Variants in PDCD1LG2 observed in about 807,000 individuals in gnomAD.
PDCD1LG2 encodes B7 dendritic cell molecule.
In PDCD1LG2, 32 loss-of-function variants were observed where a neutral mutation model predicts 28.2. The ratio of observed to expected loss-of-function variants is 1.13; its 90% CI spans 0.86 to 1.52. The LOEUF (loss-of-function observed/expected upper bound fraction) is 1.52. PDCD1LG2 is among the 40% of genes most tolerant of loss of function. The pLI is 0.00. For missense variants in PDCD1LG2, 385 were observed against 323.8 expected (o/e 1.19, Z -1.45); for synonymous variants, 116 against 120.2 (o/e 0.97, Z 0.23).
chr9:5,535,436 A>G (rs1391565158), intron 3 of PDCD1LG2, among the ~76,000 whole-genome samples: 1 of 152,164 alleles, frequency 6.6e-6, no homozygotes, highest in Non-Finnish European at 1.5e-5. Context: ...TTTTAAAACC[A>G]TGGTTTGCCG....
chr9:5,534,382 C>T (rs966858053), intron 2 of PDCD1LG2, among the ~76,000 whole-genome samples: 1 of 152,174 alleles, frequency 6.6e-6, no homozygotes, highest in African/African-American at 2.4e-5. Context: ...TCTTATATGA[C>T]AGATGACCTG....
At chr9:5,548,709 G>T (rs2129869444) in intron 3 of PDCD1LG2, among the ~76,000 whole-genome samples, 2 of 152,292 alleles carry the variant, frequency 1.3e-5, no homozygotes, top group South Asian at 4.1e-4. Context: ...GTATGTATCT[G>T]CATGTGTTAG....
At chr9:5,551,861 C>G (rs1290534896) in intron 4 of PDCD1LG2, among the ~76,000 whole-genome samples, 1 of 152,182 alleles carries the variant, frequency 6.6e-6, no homozygotes, top group Admixed American at 6.5e-5. Context: ...CTGAGCCTTC[C>G]AGCTGGGAGG....
intron 2 of PDCD1LG2, among the ~76,000 whole-genome samples, chr9:5,525,976 G>C (rs1267906887): frequency 6.6e-6 from 1 of 151,612 alleles, no homozygotes; most frequent in Non-Finnish European, 1.5e-5. Context: ...GAACCAGGGA[G>C]TCGGAGGTGG....
Position 5,510,813 on chromosome 9 carries a change from G to A in PDCD1LG2, c.-15+10G>A, listed in dbSNP as rs944251767. ...TGTGGCAAGTCCTCATGTGAGTAAC[G>A]AGTGGGTTGAGATACTCTCATACTA... On this transcript the variant is annotated intron_variant, in intron 1 of 6. Transcript: ENST00000397747. 2.0e-5 allele frequency: 3 copies of A among 150,162 alleles called. No homozygotes were observed. The highest frequency in any genetic ancestry group is 6.7e-5 in the Admixed American group (1 of 14,998). The allele number at this position is 150,162 out of a possible 1,614,324, so 9.3% of individuals were successfully genotyped here.
intron 1 of PDCD1LG2, among the ~76,000 whole-genome samples, chr9:5,514,794 A>G (rs1439968735): frequency 2.0e-5 from 3 of 149,438 alleles, no homozygotes; most frequent in Non-Finnish European, 4.4e-5. Context: ...AAAAAAAAAA[A>G]GACAAAATAA....
intron 1 of PDCD1LG2, among the ~76,000 whole-genome samples, chr9:5,513,518 T>C (rs984828801): frequency 2.0e-5 from 3 of 152,260 alleles, no homozygotes; most frequent in Non-Finnish European, 4.4e-5. Context: ...AAACCCTCTA[T>C]GAATTCTCCA....
chr9:5,550,557 TAAGGG>T (rs1223091050), intron 4 of PDCD1LG2, among the ~76,000 whole-genome samples: 2 of 152,158 alleles, frequency 1.3e-5, no homozygotes, highest in East Asian at 3.9e-4. Flanking sequence ...GCAGAGGCCC[TAAGGG>T]AAGATTCCAC....
At chr9:5,538,278 T>C (rs1820620342) in intron 3 of PDCD1LG2, among the ~76,000 whole-genome samples, 1 of 152,202 alleles carries the variant, frequency 6.6e-6, no homozygotes, top group African/African-American at 2.4e-5. Flanking sequence ...CCAGCATGTT[T>C]CATACATATT....
chr9:5,511,034 G>C (rs1026905131), intron 1 of PDCD1LG2, among the ~76,000 whole-genome samples: 1 of 152,192 alleles, frequency 6.6e-6, no homozygotes, highest in African/African-American at 2.4e-5. Flanking sequence ...TATAAGGTGA[G>C]ATATTTTCTG....
At chr9:5,542,440 G>T (rs1820704886) in intron 3 of PDCD1LG2, among the ~76,000 whole-genome samples, 2 of 152,118 alleles carry the variant, frequency 1.3e-5, no homozygotes, top group Non-Finnish European at 2.9e-5. Flanking sequence ...CTATACATCT[G>T]ACAAAGGACT....
At chr9:5,567,935 T>C (rs1816696820) in intron 6 of PDCD1LG2, among the ~76,000 whole-genome samples, 1 of 152,194 alleles carries the variant, frequency 6.6e-6, no homozygotes, top group Non-Finnish European at 1.5e-5. Context: ...ACGTTTTTTG[T>C]TTTGTTTTGT....
At chr9:5,556,140 A>G (rs1214672795) in intron 4 of PDCD1LG2, among the ~76,000 whole-genome samples, 1 of 152,162 alleles carries the variant, frequency 6.6e-6, no homozygotes, top group Non-Finnish European at 1.5e-5. Flanking sequence ...TGGATGTTCA[A>G]CTTTGGAGTC....
chr9:5,535,007 T>C lies in PDCD1LG2; in HGVS notation c.318T>C (p.Tyr106=), dbSNP rs1350826502. Residue 106 remains tyrosine (Y), a synonymous_variant, in exon 3 of 7, where the codon TAT becomes TAC. Transcript: ENST00000397747. ...GACAGTACCAATGCATAATCATCTA[T>C]GGGGTCGCCTGGGACTACAAGTACC... The part of the protein sequence containing the change: ...DEGQYQCIII[Y]GVAWDYKYLT... 4.3e-6 allele frequency: 7 copies of C among 1,613,380 alleles called. No homozygotes were observed. The African/African-American group carries it at 5.3e-5, about 12-fold the overall frequency.
chr9:5,510,879 G>A (rs983915205), intron 1 of PDCD1LG2, 76 bp downstream of exon 1: 2 of 152,574 alleles, frequency 1.3e-5, no homozygotes, highest in Non-Finnish European at 1.5e-5. Context: ...GGTGGGGGAA[G>A]GGTGGCCTAC....
chr9:5,512,542 C>T (rs981148656), intron 1 of PDCD1LG2, among the ~76,000 whole-genome samples: 2 of 152,228 alleles, frequency 1.3e-5, no homozygotes, highest in African/African-American at 4.8e-5. Context: ...TCCTCTGTTC[C>T]TGCTCTCCAA....
rs2129975286 is a variant in PDCD1LG2, at chr9:5,569,940, G to A, written c.817-14G>A. On this transcript the variant is annotated splice_polypyrimidine_tract_variant and intron_variant, in intron 6 of 6. Transcript: ENST00000397747. This position sits in a 1 kb window ranked among gnomAD's most constrained non-coding sequence, Gnocchi z 4.1. Reference sequence around the variant, plus strand: ...AAAAAATGATTTTTCTTATTTGTGGGCTTTTCTCCCCAGATCTGAACCTGT... The same window carrying A: ...AAAAAATGATTTTTCTTATTTGTGGACTTTTCTCCCCAGATCTGAACCTGT... 6.2e-7 allele frequency: 1 copy of A among 1,613,274 alleles called. No homozygotes were observed. The highest frequency in any genetic ancestry group is 8.5e-7 in the Non-Finnish European group (1 of 1,179,462).
At chr9:5,553,942 C>T (rs1445955073) in intron 4 of PDCD1LG2, among the ~76,000 whole-genome samples, 2 of 152,116 alleles carry the variant, frequency 1.3e-5, no homozygotes, top group African/African-American at 2.4e-5. Context: ...CCTTTTCTAC[C>T]TCCATGCCTT....
At position 5,525,823 on chromosome 9, in the gene PDCD1LG2, C is replaced by T. The variant is rs1347734093; in HGVS notation, c.55+3222C>T. The stretch of plus-strand genomic sequence containing the variant: ...CAGCACTTTGGGAGGCCAAGGTGGG[C>T]AGATCACGAGGTCAGGAGACCGAGA... On this transcript the variant is annotated intron_variant, in intron 2 of 6. Transcript: ENST00000397747. Among the ~76,000 whole-genome samples the T allele has an allele frequency of 4.6e-5, 7 of 151,902 alleles. No homozygotes were observed. The East Asian group carries it at 1.2e-3, about 25-fold the overall frequency.
Sources: gnomAD v4.1 joint callset for allele counts (sites outside exome capture counted in the v4.1 genomes callset) on GRCh38, gnomAD v4.1.1 for gene constraint, Gnocchi (gnomAD v3.1) non-coding constraint, MANE v1.5 for transcripts, NCBI Gene and HGNC (gene_info 2026-07-23, HGNC 2026-07-21) for gene names.